Variants in TTC17 observed in about 807,000 individuals in gnomAD.
TTC17 encodes tetratricopeptide repeat protein 17.
TTC17 carries 58 observed loss-of-function variants against 143.8 expected under a neutral mutation model. The ratio of observed to expected loss-of-function variants is 0.40; its 90% CI spans 0.33 to 0.50. The LOEUF (loss-of-function observed/expected upper bound fraction) is 0.50. TTC17 is among the 20% of genes least tolerant of loss of function. The pLI is 0.49. For synonymous variants in TTC17, 501 were observed against 497.8 expected (o/e 1.01, Z -0.09); for missense variants, 1,273 against 1,392.5 (o/e 0.91, Z 1.37).
In TTC17 at chr11:43,444,198, C is replaced by T; in HGVS notation, c.2654C>T (p.Pro885Leu). Residue 885 changes from proline (P) to leucine (L), a missense_variant, in exon 18 of 24, where the codon CCT becomes CTT. Transcript: ENST00000039989. ...ATCACTGGCCCCAAGGTGGCATCTC[C>T]TGGGCCACAAGGTAAATTTGAATGT... The part of the protein sequence containing the change: ...LEITGPKVAS[P>L]GPQGKKRDYQ... 1 of 1,601,558 alleles carries T rather than the reference C, an allele frequency of 6.2e-7. No homozygotes were observed. Among genetic ancestry groups the T allele is most frequent in the East Asian group, 2.2e-5 (1 of 44,732 alleles).
At chr11:43,388,446 T>C (rs898704391) in intron 2 of TTC17, among the ~76,000 whole-genome samples, 2 of 151,854 alleles carry the variant, frequency 1.3e-5, no homozygotes, top group Non-Finnish European at 2.9e-5. Flanking sequence ...TATAAAAATA[T>C]ACATGGAAAT....
intron 16 of TTC17, among the ~76,000 whole-genome samples, chr11:43,439,148 G>A (rs1027115492): frequency 5.3e-5 from 8 of 152,074 alleles, no homozygotes; most frequent in African/African-American, 1.9e-4. Flanking sequence ...CTTATGTTAT[G>A]GCATCTAGTC....
intron 21 of TTC17, among the ~76,000 whole-genome samples, chr11:43,484,487 A>G (rs998827634): frequency 1.3e-5 from 2 of 152,218 alleles, no homozygotes; most frequent in African/African-American, 2.4e-5. Flanking sequence ...TATAATGTTC[A>G]TGGATAAGAA....
At chr11:43,436,292 G>T (rs1467423498) in intron 16 of TTC17, 1 of 1,333,616 alleles carries the variant, frequency 7.5e-7, no homozygotes. Flanking sequence ...TGTATTCTCT[G>T]TTGAGAATTC....
At chr11:43,404,628 A>G (rs1309841995) in intron 11 of TTC17, among the ~76,000 whole-genome samples, 1 of 152,208 alleles carries the variant, frequency 6.6e-6, no homozygotes, top group East Asian at 1.9e-4. Context: ...AAAGAATTGT[A>G]GGTTAGCTGA....
chr11:43,447,752 C>G, intron 18 of TTC17: 1 of 373,336 alleles, frequency 2.7e-6, no homozygotes. Flanking sequence ...TCATGTTGAT[C>G]AATCTTAAAT....
chr11:43,461,871 TA>T (rs1947874317), intron 21 of TTC17, among the ~76,000 whole-genome samples: 2 of 152,188 alleles, frequency 1.3e-5, no homozygotes, highest in Non-Finnish European at 2.9e-5. Flanking sequence ...AAGCATGTTT[TA>T]AACTCTAGGC....
At chr11:43,422,710 T>G (rs1486873477) in intron 16 of TTC17, among the ~76,000 whole-genome samples, 2 of 152,158 alleles carry the variant, frequency 1.3e-5, no homozygotes, top group African/African-American at 4.8e-5. Context: ...GAGCTGGATG[T>G]GGGCAGAGAA....
intron 16 of TTC17, among the ~76,000 whole-genome samples, chr11:43,427,373 A>G (rs993399300): frequency 1.3e-5 from 2 of 152,150 alleles, no homozygotes; most frequent in African/African-American, 4.8e-5. Flanking sequence ...AATCAGAAAG[A>G]TATGTTGTAT....
At chr11:43,429,046 C>A (rs185936577) in intron 16 of TTC17, among the ~76,000 whole-genome samples, 93 of 152,244 alleles carry the variant, frequency 6.1e-4, no homozygotes, top group East Asian at 3.1e-3. Context: ...CAAATAATTT[C>A]TTTTTTCTTT....
At chr11:43,362,149 T>TTGTG (rs3978779) in intron 1 of TTC17, among the ~76,000 whole-genome samples, 4,774 of 138,072 alleles carry the variant, frequency 0.035, 103 homozygotes, top group African/African-American at 0.048. Context: ...CCCGGCTAAT[T>TTGTG]TGTGTGTGTG....
intron 18 of TTC17, among the ~76,000 whole-genome samples, chr11:43,444,907 C>G (rs1381419980): frequency 1.3e-5 from 2 of 152,118 alleles, no homozygotes; most frequent in African/African-American, 4.8e-5. Flanking sequence ...TTGCGGCAGT[C>G]TGACTAGACG....
chr11:43,410,172 G>T, intron 15 of TTC17, among the ~76,000 whole-genome samples: 1 of 152,258 alleles, frequency 6.6e-6, no homozygotes, highest in East Asian at 1.9e-4. Flanking sequence ...TATTTTTAAA[G>T]TAAAAGTTTG....
chr11:43,399,964 C>G lies in TTC17; in HGVS notation c.1135C>G (p.Leu379Val). ...CCACTACCTGAGACAGCAGGAAATC[C>G]TAGAAAAACATAAACTGATTCAGGA... The part of the protein sequence containing the change: ...HDHYLRQQEI[L>V]EKHKLIQEEQ... Residue 379 changes from leucine (L) to valine (V), a missense_variant, in exon 9 of 24, where the codon CTA (leucine) becomes GTA (valine). Around this residue, in one of 3 missense-constraint regions of TTC17, gnomAD observed 325 missense variants for 444.2 expected, o/e 0.73. Transcript: ENST00000039989. 2 of 1,613,762 alleles carry G rather than the reference C, an allele frequency of 1.2e-6. No homozygotes were observed. Among genetic ancestry groups the G allele is most frequent in the Admixed American group, 1.7e-5 (1 of 60,000 alleles).
chr11:43,366,505 CA>C (rs11284058), intron 1 of TTC17, among the ~76,000 whole-genome samples: 27,055 of 121,928 alleles, frequency 0.22, 4,888 homozygotes, highest in African/African-American at 0.53. Flanking sequence ...GACTCTGCCT[CA>C]AAAAAAAAAA....
chr11:43,405,990 C>T, intron 13 of TTC17, 39 bp downstream of exon 13: 1 of 1,592,902 alleles, frequency 6.3e-7, no homozygotes, highest in Non-Finnish European at 8.5e-7. Context: ...GCCGTCCATT[C>T]TGGGTGACTT....
chr11:43,488,804 G>C (rs1160931033), intron 21 of TTC17, among the ~76,000 whole-genome samples: 1 of 152,040 alleles, frequency 6.6e-6, no homozygotes, highest in Non-Finnish European at 1.5e-5. Flanking sequence ...GGGCTCAAGC[G>C]ATCCTCCTGC....
intron 5 of TTC17, among the ~76,000 whole-genome samples, chr11:43,393,642 A>G (rs1431418932): frequency 6.6e-6 from 1 of 152,140 alleles, no homozygotes; most frequent in Non-Finnish European, 1.5e-5. Flanking sequence ...ATTCTGAAAG[A>G]TCTAACCCTC....
At chr11:43,479,165 G>A (rs187607088) in intron 21 of TTC17, among the ~76,000 whole-genome samples, 28 of 151,970 alleles carry the variant, frequency 1.8e-4, no homozygotes, top group African/African-American at 5.3e-4. Context: ...GCTTGAACCC[G>A]GGAGGCAGAG....
Sources: allele counts gnomAD v4.1 joint callset (sites outside exome capture counted in the v4.1 genomes callset), GRCh38; gene constraint gnomAD v4.1.1; regional missense constraint gnomAD v4.1.1; transcripts MANE v1.5; gene names NCBI Gene and HGNC (gene_info 2026-07-23, HGNC 2026-07-21).